The following ADAMTS4 variants were observed in gnomAD, a reference collection of about 807,000 sequenced individuals.
ADAMTS4 encodes ADAM metallopeptidase with thrombospondin type 1 motif 4, also known as A disintegrin and metalloproteinase with thrombospondin motifs 4.
Under a neutral mutation model 66.7 loss-of-function variants are expected in ADAMTS4, and 38 were observed. The ratio of observed to expected loss-of-function variants is 0.57; its 90% confidence interval spans 0.44 to 0.75. ADAMTS4 has a LOEUF of 0.75. Among genes scored for constraint, ADAMTS4 ranks in the 30% least tolerant of loss-of-function variants. The pLI, the probability that ADAMTS4 is intolerant of heterozygous loss-of-function variation, is 0.00. For synonymous variants in ADAMTS4, 418 were observed against 461.5 expected (o/e 0.91, Z 1.21); for missense variants, 1,014 against 1,116.7 (o/e 0.91, Z 1.31).
In ADAMTS4 at chr1:161,184,989, C is replaced by G. The variant is rs1283323361; in HGVS notation, c.*6149G>C. On this transcript the variant is annotated 3_prime_UTR_variant, in exon 9 of 9. Coordinates refer to ENST00000367996, the MANE Select transcript of ADAMTS4 (RefSeq NM_005099.6). ...TGAGCCGAGATCACGCCATTGCACT[C>G]TAGCCTGGGTGACAGAATGAGAATC... The G allele has an allele frequency of 7.4e-6, 1 of 135,190 alleles. No individual in the cohort carries two copies. Among genetic ancestry groups the G allele is most frequent in the Non-Finnish European group, 1.5e-5 (1 of 66,036 alleles). The allele number at this position is 135,190 out of a possible 1,614,324, so 8.4% of individuals were successfully genotyped here.
rs1331360592 is a variant in ADAMTS4, at chr1:161,185,457, CT to C, written c.*5680del. 1 of 151,920 alleles carries C rather than the reference CT, an allele frequency of 6.6e-6. No homozygotes were observed. Among genetic ancestry groups the C allele is most frequent in the African/African-American group, 2.4e-5 (1 of 41,294 alleles). 9.4% of individuals were successfully genotyped at this position (151,920 alleles called of 1,614,324 possible). On this transcript the variant is annotated 3_prime_UTR_variant, in exon 9 of 9. Transcript: ENST00000367996. ...TGCTCCCCCGCCTTCCCTGACCCCC[CT>C]CTTTCTGAGCATTTTTAGCACTCGT...
Position 161,192,166 on chromosome 1 carries a change from A to G in ADAMTS4, c.1986T>C (p.Cys662=), listed in dbSNP as rs1421882389. The G allele has an allele frequency of 1.9e-6, 3 of 1,614,136 alleles. No individual in the cohort carries two copies. Among genetic ancestry groups the G allele is most frequent in the Non-Finnish European group, 2.5e-6 (3 of 1,180,028 alleles). Residue 662 remains cysteine, a synonymous_variant, in exon 8 of 9, where the codon TGT becomes TGC. Transcript: ENST00000367996. ...TCTTCTTGGAGCCAATGATGCGATC[A>G]CAGCCAGCATGGATGCATCGGCCCT... ...CVQGRCIHAG[C]DRIIGSKKKF...
Position 161,194,974 on chromosome 1 carries a change from G to C in ADAMTS4, c.1261+491C>G, listed in dbSNP as rs1664774941. Among the ~76,000 whole-genome samples, 1 of 152,154 alleles carries C rather than the reference G, an allele frequency of 6.6e-6. No individual in the cohort carries two copies. The highest frequency in any genetic ancestry group is 1.5e-5 in the Non-Finnish European group (1 of 68,018). On this transcript the variant is annotated intron_variant, in intron 4 of 8. Coordinates refer to ENST00000367996, the MANE Select transcript of ADAMTS4 (RefSeq NM_005099.6). The surrounding 1 kb of genome is among the most constrained non-coding windows in gnomAD (Gnocchi z 4.1). ...GAGGTGGGAGGATTGCTTGAGCCTAGGAGTTCGAGACCAGCCTAGGCAACA... is the reference window on the plus strand; with the variant it reads ...GAGGTGGGAGGATTGCTTGAGCCTACGAGTTCGAGACCAGCCTAGGCAACA...
rs1664718843 is a variant in ADAMTS4 at position 161,193,109 on chromosome 1, G to A, written c.1911+104C>T. The A allele has an allele frequency of 1.5e-6, 2 of 1,328,056 alleles. No homozygotes were observed. The highest frequency in any genetic ancestry group is 2.5e-5 in the East Asian group (1 of 39,486). The allele number at this position is 1,328,056 out of a possible 1,614,324, so 82.3% of individuals were successfully genotyped here. A position where few individuals can be genotyped will look rare whatever the true frequency, so the allele number is the denominator to read the frequency against. On this transcript the variant is annotated intron_variant, in intron 7 of 8. Coordinates refer to ENST00000367996, the MANE Select transcript of ADAMTS4 (RefSeq NM_005099.6). This position sits in a 1 kb window ranked among gnomAD's most constrained non-coding sequence, Gnocchi z 4.4. ...AATCCTGGACTGGGCTGGCGTGGCT[G>A]TAGGAACAGGGTTACTTTGGGTGAT... is the stretch of plus-strand genomic sequence containing the variant.
chr1:161,198,787 G>T lies in ADAMTS4; in HGVS notation c.-160C>A. On this transcript the variant is annotated 5_prime_UTR_variant, in exon 1 of 9. Transcript: ENST00000367996. This position sits in a 1 kb window ranked among gnomAD's most constrained non-coding sequence, Gnocchi z 4.7. ...GGGCTGAGGACCGTTAAAGGAAATG[G>T]AGAAAACTTAGTCCTTGGGCTTGGG... 1 of 660,306 alleles carries T rather than the reference G, an allele frequency of 1.5e-6. No individual in the cohort carries two copies. The highest frequency in any genetic ancestry group is 2.4e-6 in the Non-Finnish European group (1 of 412,194). 40.9% of individuals were successfully genotyped at this position (660,306 alleles called of 1,614,324 possible).
In ADAMTS4 at chr1:161,193,738, T is replaced by A. The variant is rs1318666687; in HGVS notation, c.1637A>T (p.Asp546Val). The change falls in exon 6 of 9, where the codon GAC (aspartate) becomes GTC (valine). Residue 546 changes from aspartate (D) to valine (V), a missense_variant. Coordinates refer to ENST00000367996, the MANE Select transcript of ADAMTS4 (RefSeq NM_005099.6). The surrounding 1 kb of genome is among the most constrained non-coding windows in gnomAD (Gnocchi z 4.4). Reference protein sequence around the residue: ...CGGGVQFSSRDCTRPVPRNGG... With the variant: ...CGGGVQFSSRVCTRPVPRNGG... The stretch of plus-strand genomic sequence containing the variant: ...ATTCCGGGGGACAGGCCTCGTGCAG[T>A]CTCGGGAGGAGAACTGGACACCACC... The A allele has an allele frequency of 6.2e-7, 1 of 1,613,932 alleles. No individual in the cohort carries two copies. The highest frequency in any genetic ancestry group is 1.7e-5 in the Admixed American group (1 of 60,000).
rs1311533880 is a variant in ADAMTS4 at position 161,191,365 on chromosome 1, C to A, written c.2287G>T (p.Gly763Trp). 6.2e-7 allele frequency: 1 copy of A among 1,613,972 alleles called. No individual in the cohort carries two copies. The highest frequency in any genetic ancestry group is 8.5e-7 in the Non-Finnish European group (1 of 1,180,012). Residue 763 changes from glycine (G) to tryptophan (W), a missense_variant, in exon 9 of 9, where the codon GGG becomes TGG. Transcript: ENST00000367996. ...AGTGTCTCTGAGGCTGCAGTGGCCC[C>A]GCTGTAGCGCAAGCTGACTGCCCCA... ...LPGAVSLRYS[G>W]ATAASETLSG...
chr1:161,193,258 G>C lies in ADAMTS4; in HGVS notation c.1866C>G (p.Thr622=). 1 of 1,614,052 alleles carries C rather than the reference G, an allele frequency of 6.2e-7. No homozygotes were observed. Among genetic ancestry groups the C allele is most frequent in the Non-Finnish European group, 8.5e-7 (1 of 1,179,990 alleles). Residue 622 remains threonine (T), a synonymous_variant, in exon 7 of 9, where the codon ACC becomes ACG. Coordinates refer to ENST00000367996, the MANE Select transcript of ADAMTS4 (RefSeq NM_005099.6). The surrounding 1 kb of genome is among the most constrained non-coding windows in gnomAD (Gnocchi z 4.4). ...AGTAGCCCAGTGCCTGGGCCTGGCA[G>C]GTGAGTTTGCACTGGTCCTGGGGGG... is the stretch of plus-strand genomic sequence containing the variant. ...GVAPQDQCKL[T]CQAQALGYYY...
chr1:161,193,852 G>A lies in ADAMTS4; in HGVS notation c.1549-26C>T, dbSNP rs746963464. Reference sequence around the variant, plus strand: ...CTGCAAAGGCACAGAACGGAAGTGGGGCATAAGTGAACTCTCTCCTGGGCT... The same window carrying A: ...CTGCAAAGGCACAGAACGGAAGTGGAGCATAAGTGAACTCTCTCCTGGGCT... On this transcript the variant is annotated intron_variant, in intron 5 of 8. Transcript: ENST00000367996. This position sits in a 1 kb window ranked among gnomAD's most constrained non-coding sequence, Gnocchi z 4.4. 8.2e-6 allele frequency: 13 copies of A among 1,580,666 alleles called. No homozygotes were observed. In the East Asian group the frequency reaches 2.5e-4, roughly 30 times the overall value.
chr1:161,194,007 G>T lies in ADAMTS4; in HGVS notation c.1476C>A (p.Gly492=). ...AGGCCTGTGCGGGCCCGCAGGGTGT[G>T]CCATCGGCCCAGGGCGAGTGTTTGG... is the stretch of plus-strand genomic sequence containing the variant. ...CQTKHSPWAD[G]TPCGPAQACM... The change falls in exon 5 of 9, where the codon GGC becomes GGA. Residue 492 remains glycine (G), a synonymous_variant. Coordinates refer to ENST00000367996, the MANE Select transcript of ADAMTS4 (RefSeq NM_005099.6). This position sits in a 1 kb window ranked among gnomAD's most constrained non-coding sequence, Gnocchi z 4.1. 1 of 1,613,218 alleles carries T rather than the reference G, an allele frequency of 6.2e-7. No individual in the cohort carries two copies. Among genetic ancestry groups the T allele is most frequent in the Non-Finnish European group, 8.5e-7 (1 of 1,179,414 alleles).
intron 8 of ADAMTS4, 129 bp from the exon 9 acceptor site, chr1:161,191,693 C>G: frequency 1.0e-6 from 1 of 967,380 alleles, no homozygotes. Flanking sequence ...GTGAGCTGTT[C>G]GGTCTGGATC....
rs147127522 is a variant in ADAMTS4 at position 161,193,676 on chromosome 1, G to A, written c.1699C>T (p.Arg567Cys). Residue 567 changes from arginine (R) to cysteine (C), a missense_variant, in exon 6 of 9, where the codon CGC (arginine) becomes TGC (cysteine). Coordinates refer to ENST00000367996, the MANE Select transcript of ADAMTS4 (RefSeq NM_005099.6). The surrounding 1 kb of genome is among the most constrained non-coding windows in gnomAD (Gnocchi z 4.4). ...GGGCAGTCCTCAGTGTTGCAGGAGC[G>A]GAAGCGGGTACGGCGGCCCTCACAG... ...KYCEGRRTRF[R>C]SCNTEDCPTG... 1,583 of 1,613,714 alleles carry A rather than the reference G, an allele frequency of 9.8e-4. 20 individuals are homozygous for A. In the African/African-American group the frequency reaches 0.017, roughly 18 times the overall value.
rs748124639 is a variant in ADAMTS4, at chr1:161,191,536, G to A, written c.2116C>T (p.Pro706Ser). The change falls in exon 9 of 9, where the codon CCC (proline) becomes TCC (serine). Residue 706 changes from proline (P) to serine (S), a missense_variant. By Grantham distance (74) the Pro-to-Ser change is moderately conservative (BLOSUM62 -1). Coordinates refer to ENST00000367996, the MANE Select transcript of ADAMTS4 (RefSeq NM_005099.6). ...RYGYNNVVTI[P>S]AGATHILVRQ... is the part of the protein sequence containing the mutation. The stretch of plus-strand genomic sequence containing the variant: ...ACAAGAATGTGGGTGGCCCCCGCGG[G>A]GATAGTGACCACATTGTTGTATCCG... 1.2e-6 allele frequency: 2 copies of A among 1,613,132 alleles called. No homozygotes were observed. Among genetic ancestry groups the A allele is most frequent in the East Asian group, 4.5e-5 (2 of 44,888 alleles).
chr1:161,197,114 G>T (rs1414214010), intron 1 of ADAMTS4: 1 of 512,186 alleles, frequency 2.0e-6, no homozygotes, highest in African/African-American at 1.9e-5. Flanking sequence ...AAGAAGGGGA[G>T]GAGAAGGGGA....
chr1:161,196,518 T>C (rs778040631), intron 2 of ADAMTS4, 39 bp downstream of exon 2: 10 of 1,595,504 alleles, frequency 6.3e-6, no homozygotes, highest in Admixed American at 1.7e-5. Context: ...TTCTTAGAAT[T>C]GTGCAGTGCA....
chr1:161,196,589 G>A lies in ADAMTS4; in HGVS notation c.925C>T (p.His309Tyr), dbSNP rs754121205. The A allele has an allele frequency of 6.2e-7, 1 of 1,614,220 alleles. No individual in the cohort carries two copies. Among genetic ancestry groups the A allele is most frequent in the Non-Finnish European group, 8.5e-7 (1 of 1,180,038 alleles). Residue 309 changes from histidine (H) to tyrosine (Y), a missense_variant, in exon 2 of 9, where the codon CAC (histidine) becomes TAC (tyrosine). Physicochemically the swap from His to Tyr is moderately conservative, Grantham distance 83. Coordinates refer to ENST00000367996, the MANE Select transcript of ADAMTS4 (RefSeq NM_005099.6). ...GTAAACAGAATGGCTGTGTCAAAGT[G>A]GTCAGGGTCCGAGTCCTCAGGGGTG... is the stretch of plus-strand genomic sequence containing the variant. ...LNTPEDSDPD[H>Y]FDTAILFTRQ...
In ADAMTS4 at chr1:161,186,718, G is replaced by A. The variant is rs1013060978; in HGVS notation, c.*4420C>T. ...GAGCGAGACTGTCTCAAAAGAAAAGGCCAGGCATGGTGGTTCACACTGGTC... is the reference window on the plus strand; with the variant it reads ...GAGCGAGACTGTCTCAAAAGAAAAGACCAGGCATGGTGGTTCACACTGGTC... On this transcript the variant is annotated 3_prime_UTR_variant, in exon 9 of 9. Transcript: ENST00000367996. 1 of 152,198 alleles carries A rather than the reference G, an allele frequency of 6.6e-6. No individual in the cohort carries two copies. The highest frequency in any genetic ancestry group is 1.5e-5 in the Non-Finnish European group (1 of 68,080). The allele number at this position is 152,198 out of a possible 1,614,324, so 9.4% of individuals were successfully genotyped here. A position where few individuals can be genotyped will look rare whatever the true frequency, so the allele number is the denominator to read the frequency against.
intron 7 of ADAMTS4, 87 bp from the exon 8 acceptor site, chr1:161,192,327 G>A: frequency 7.3e-7 from 1 of 1,367,228 alleles, no homozygotes; most frequent in East Asian, 2.4e-5. Flanking sequence ...TCCCATCAGG[G>A]AAGCAATGTT....
In ADAMTS4 at chr1:161,198,120, G is replaced by A. The variant is rs199515356; in HGVS notation, c.508C>T (p.Pro170Ser). ...LHLQPLEGGT[P>S]NSAGGPGAHI... ...GCCCCAGGTCCCCCAGCAGAGTTAG[G>A]GGTGCCTCCCTCCAGGGGCTGGAGG... The change falls in exon 1 of 9, where the codon CCT becomes TCT. Residue 170 changes from proline to serine, a missense_variant. Physicochemically the swap from Pro to Ser is moderately conservative, Grantham distance 74. Coordinates refer to ENST00000367996, the MANE Select transcript of ADAMTS4 (RefSeq NM_005099.6). This position sits in a 1 kb window ranked among gnomAD's most constrained non-coding sequence, Gnocchi z 4.7. 1.2e-6 allele frequency: 2 copies of A among 1,613,972 alleles called. No homozygotes were observed. Among genetic ancestry groups the A allele is most frequent in the East Asian group, 2.2e-5 (1 of 44,860 alleles).
Sources: allele counts gnomAD v4.1 joint callset (sites outside exome capture counted in the v4.1 genomes callset), GRCh38; gene constraint gnomAD v4.1.1; non-coding constraint Gnocchi (gnomAD v3.1); transcripts MANE v1.5; gene names NCBI Gene and HGNC (gene_info 2026-07-23, HGNC 2026-07-21).